The following DAPK2 variants were observed in gnomAD, a reference collection of about 807,000 sequenced individuals.
DAPK2 encodes death associated protein kinase 2, also known as death-associated protein kinase 2.
Under a neutral mutation model 44.1 loss-of-function variants are expected in DAPK2, and 35 were observed. The ratio of observed to expected loss-of-function variants is 0.79; its 90% confidence interval spans 0.61 to 1.05. DAPK2 has a LOEUF of 1.05. Ranked by LOEUF, DAPK2 falls within the 50% of genes least tolerant of loss-of-function variation. The pLI is 0.00. For missense variants in DAPK2, 453 were observed against 483.2 expected (o/e 0.94, Z 0.59); for synonymous variants, 174 against 182.6 (o/e 0.95, Z 0.38).
intron 8 of DAPK2, chr15:63,922,972 T>A (rs748738431): frequency 4.4e-5 from 68 of 1,535,754 alleles, no homozygotes; most frequent in Non-Finnish European, 5.0e-5. Context: ...CGAGGCTACA[T>A]CCCGTGGCCT....
chr15:63,929,990 C>T (rs566975273), intron 5 of DAPK2, among the ~76,000 whole-genome samples: 2 of 152,364 alleles, frequency 1.3e-5, no homozygotes, highest in East Asian at 3.9e-4. Context: ...CGAGTCCCAT[C>T]TGTGCAGAGG....
intron 3 of DAPK2, among the ~76,000 whole-genome samples, chr15:63,969,327 G>A (rs2078143206): frequency 6.6e-6 from 1 of 152,062 alleles, no homozygotes; most frequent in African/African-American, 2.4e-5. Flanking sequence ...GGCTGAGGTG[G>A]GAGGATTACC....
In DAPK2 at chr15:63,912,278, A is replaced by C; in HGVS notation, c.859-81T>G. ...CTCCTCGCCGCAGAACTCCCCACCC[A>C]CCGCATGCCCACCGCCCTTGGCTTG... On this transcript the variant is annotated intron_variant, in intron 8 of 10. Coordinates refer to ENST00000261891, the Ensembl canonical transcript of DAPK2. This position sits in a 1 kb window ranked among gnomAD's most constrained non-coding sequence, Gnocchi z 4.4. 1.4e-6 allele frequency: 2 copies of C among 1,392,952 alleles called. No individual in the cohort carries two copies. The highest frequency in any genetic ancestry group is 2.0e-6 in the Non-Finnish European group (2 of 997,360). 86.3% of individuals were successfully genotyped at this position (1,392,952 alleles called of 1,614,324 possible).
chr15:63,978,581 C>T (rs572699469), intron 2 of DAPK2, among the ~76,000 whole-genome samples: 39 of 152,262 alleles, frequency 2.6e-4, no homozygotes, highest in African/African-American at 8.7e-4. Flanking sequence ...AGGTGGGAGG[C>T]TGATGACCTG....
chr15:63,978,838 C>A (rs2078425763), intron 2 of DAPK2, among the ~76,000 whole-genome samples: 1 of 152,202 alleles, frequency 6.6e-6, no homozygotes, highest in Non-Finnish European at 1.5e-5. Context: ...AGGATCATCC[C>A]CTTCCTGCAA....
At chr15:64,025,752 ATAAT>A (rs1243596564) in intron 1 of DAPK2, among the ~76,000 whole-genome samples, 1 of 152,260 alleles carries the variant, frequency 6.6e-6, no homozygotes, top group Admixed American at 6.5e-5. Context: ...AAGTTTTTAA[ATAAT>A]TAATTAATGA....
intron 2 of DAPK2, among the ~76,000 whole-genome samples, chr15:63,972,785 T>C (rs981154469): frequency 2.0e-5 from 3 of 152,166 alleles, no homozygotes; most frequent in Non-Finnish European, 4.4e-5. Flanking sequence ...AGCTTAAAAG[T>C]ATGCAAAATT....
chr15:64,045,819 C>G (rs565393153), intron 1 of DAPK2, among the ~76,000 whole-genome samples: 3 of 152,218 alleles, frequency 2.0e-5, no homozygotes, highest in African/African-American at 4.8e-5. Flanking sequence ...CAGGCCGGGG[C>G]GCCTGACGGC....
chr15:64,043,890 T>C (rs1327940858), upstream of DAPK2, among the ~76,000 whole-genome samples: 2 of 152,208 alleles, frequency 1.3e-5, no homozygotes, highest in African/African-American at 4.8e-5. Flanking sequence ...CAGTAGGCAC[T>C]ATATAAGTGT....
At chr15:63,989,062 C>T (rs1228088706) in intron 1 of DAPK2, among the ~76,000 whole-genome samples, 2 of 151,722 alleles carry the variant, frequency 1.3e-5, no homozygotes, top group African/African-American at 4.8e-5. Context: ...AGCCTGTAAT[C>T]CCAGCTACTT....
At chr15:63,957,315 G>C (rs2077752339) in intron 3 of DAPK2, among the ~76,000 whole-genome samples, 1 of 151,864 alleles carries the variant, frequency 6.6e-6, no homozygotes, top group Non-Finnish European at 1.5e-5. Context: ...CTTTGTAGGT[G>C]AAATGCATTT....
rs561360441 is a variant in DAPK2, at chr15:63,922,695, G to T, written c.858+2121C>A. On this transcript the variant is annotated intron_variant, in intron 8 of 10. Coordinates refer to ENST00000261891, the Ensembl canonical transcript of DAPK2. ...GCAGGGTGGATGAGAACATGCTTCT[G>T]CAAACCTCTTGGGATGCATCACTGA... 11 of 1,478,210 alleles carry T rather than the reference G, an allele frequency of 7.4e-6. No individual in the cohort carries two copies. In the South Asian group the frequency reaches 1.3e-4, roughly 18 times the overall value. The allele number at this position is 1,478,210 out of a possible 1,614,324, so 91.6% of individuals were successfully genotyped here.
At chr15:64,023,860 G>A (rs546424251) in intron 1 of DAPK2, among the ~76,000 whole-genome samples, 20 of 152,312 alleles carry the variant, frequency 1.3e-4, no homozygotes, top group South Asian at 4.1e-4. Context: ...TACAGGAGGC[G>A]GAAGACTGCA....
At chr15:63,969,623 C>T (rs939757143) in intron 3 of DAPK2, among the ~76,000 whole-genome samples, 8 of 152,028 alleles carry the variant, frequency 5.3e-5, no homozygotes, top group Non-Finnish European at 7.4e-5. Flanking sequence ...CGCCTTTAGT[C>T]CCAGCTATTC....
At chr15:63,998,442 C>T (rs1385098821) in intron 1 of DAPK2, among the ~76,000 whole-genome samples, 2 of 152,206 alleles carry the variant, frequency 1.3e-5, no homozygotes, top group African/African-American at 4.8e-5. Context: ...GGACTGTCTC[C>T]CTCAGGCTGC....
chr15:63,991,809 C>T (rs1018079522), intron 1 of DAPK2, among the ~76,000 whole-genome samples: 1 of 152,170 alleles, frequency 6.6e-6, no homozygotes, highest in African/African-American at 2.4e-5. Flanking sequence ...TCCAACCAAG[C>T]CGAACTCAGG....
intron 3 of DAPK2, among the ~76,000 whole-genome samples, chr15:63,958,402 G>T (rs916195888): frequency 6.6e-6 from 1 of 152,076 alleles, no homozygotes; most frequent in Non-Finnish European, 1.5e-5. Flanking sequence ...CATTGCTTTT[G>T]GTGTTTTAGT....
At chr15:63,932,847 A>AT (rs1182999178) in intron 4 of DAPK2, among the ~76,000 whole-genome samples, 2 of 152,064 alleles carry the variant, frequency 1.3e-5, no homozygotes, top group Non-Finnish European at 2.9e-5. Flanking sequence ...TAGTCACTTT[A>AT]TTTTTTCACT....
In DAPK2 at chr15:63,951,499, T is replaced by C. The variant is rs539661191; in HGVS notation, c.454-12138A>G. On this transcript the variant is annotated intron_variant, in intron 3 of 10. Transcript: ENST00000261891. ...ACCCACATCAGCAGGCTTTCTGTGGTGGATGTACAACACACACCAGGATGA... is the reference window on the plus strand; with the variant it reads ...ACCCACATCAGCAGGCTTTCTGTGGCGGATGTACAACACACACCAGGATGA... 4.6e-5 allele frequency among the ~76,000 whole-genome samples: 7 copies of C among 152,120 alleles called. No homozygotes were observed. In the South Asian group the frequency reaches 1.0e-3, roughly 23 times the overall value.
Sources: allele counts gnomAD v4.1 joint callset (sites outside exome capture counted in the v4.1 genomes callset), GRCh38; gene constraint gnomAD v4.1.1; non-coding constraint Gnocchi (gnomAD v3.1); transcripts MANE v1.5; gene names NCBI Gene and HGNC (gene_info 2026-07-23, HGNC 2026-07-21).